The following NELL1 variants were observed in gnomAD, a reference collection of about 807,000 sequenced individuals.
NELL1 encodes the protein neural EGFL like 1.
Under a neutral mutation model 107.4 loss-of-function variants are expected in NELL1, and 76 were observed. That is an observed-to-expected ratio of 0.71 (90% confidence interval 0.59 to 0.86). The LOEUF is 0.86. NELL1 is among the 40% of genes least tolerant of loss of function. The probability of loss-of-function intolerance (pLI) is 0.00; values close to 1 mark genes in which losing one functional copy is unlikely to be tolerated. For missense variants in NELL1, 1,024 were observed against 1,005.5 expected, an observed-to-expected ratio of 1.02 and a Z score of -0.25; for synonymous variants, 353 against 341.2, an observed-to-expected ratio of 1.03 and a Z score of -0.38.
At chr11:21,105,862 C>T (rs1293680323) in intron 12 of NELL1, among the ~76,000 whole-genome samples, 2 of 436 alleles carry the variant, frequency 4.6e-3, no homozygotes, top group African/African-American at 0.017. Flanking sequence ...TCTCTCCCCT[C>T]CCCCTCCCCT....
chr11:21,309,272 ATATATATG>A (rs1421298907), intron 14 of NELL1, among the ~76,000 whole-genome samples: 1 of 22,664 alleles, frequency 4.4e-5, no homozygotes, highest in African/African-American at 1.4e-4. Flanking sequence ...ATATATATAT[ATATATATG>A]TATATATATA....
At chr11:21,229,894 G>A (rs1030054733) in intron 14 of NELL1, among the ~76,000 whole-genome samples, 1 of 152,058 alleles carries the variant, frequency 6.6e-6, no homozygotes, top group East Asian at 1.9e-4. Context: ...AGAGGCCAGC[G>A]CCCTGGCTTC....
intron 14 of NELL1, among the ~76,000 whole-genome samples, chr11:21,237,527 C>A (rs1238368732): frequency 1.3e-5 from 2 of 151,950 alleles, no homozygotes; most frequent in Non-Finnish European, 2.9e-5. Flanking sequence ...CGTGTAATAT[C>A]ATTAAATATT....
intron 3 of NELL1, among the ~76,000 whole-genome samples, chr11:20,821,970 C>T (rs779935234): frequency 6.6e-6 from 1 of 152,188 alleles, no homozygotes; most frequent in Non-Finnish European, 1.5e-5. Context: ...GTACTACGTC[C>T]AGTTCTTTTC....
intron 5 of NELL1, among the ~76,000 whole-genome samples, chr11:20,886,925 C>A (rs1242888735): frequency 6.6e-6 from 1 of 152,146 alleles, no homozygotes; most frequent in Non-Finnish European, 1.5e-5. Flanking sequence ...AAAATCTACA[C>A]TGTATTATAA....
In NELL1 at chr11:20,669,631, T is replaced by C; in HGVS notation, c.-93T>C. ...CTCCCCCGCCGCCCGCTAGCAAGTT[T>C]GGCGGCTCCAAGCCAGGCGCGCCTC... is the stretch of plus-strand genomic sequence containing the variant. On this transcript the variant is annotated 5_prime_UTR_variant, in exon 1 of 20. Coordinates refer to ENST00000357134, the MANE Select transcript of NELL1 (RefSeq NM_006157.5). The surrounding 1 kb of genome is among the most constrained non-coding windows in gnomAD (Gnocchi z 4.4). The C allele has an allele frequency of 9.1e-7, 1 of 1,102,998 alleles. No individual in the cohort carries two copies. The highest frequency in any genetic ancestry group is 1.4e-6 in the Non-Finnish European group (1 of 736,662). 68.3% of individuals were successfully genotyped at this position (1,102,998 alleles called of 1,614,324 possible). A position where few individuals can be genotyped will look rare whatever the true frequency, so the allele number is the denominator to read the frequency against.
intron 13 of NELL1, among the ~76,000 whole-genome samples, chr11:21,150,593 G>C (rs1214835855): frequency 6.6e-6 from 1 of 152,120 alleles, no homozygotes; most frequent in Non-Finnish European, 1.5e-5. Context: ...TGGGCAATAG[G>C]ACACTGAGAT....
chr11:21,455,117 T>C (rs1273610521), intron 15 of NELL1, among the ~76,000 whole-genome samples: 5 of 152,178 alleles, frequency 3.3e-5, no homozygotes, highest in Non-Finnish European at 7.3e-5. Context: ...TGCAAAGGTC[T>C]TTATTACACA....
intron 14 of NELL1, among the ~76,000 whole-genome samples, chr11:21,320,045 T>C (rs1253708526): frequency 2.0e-5 from 3 of 152,206 alleles, no homozygotes; most frequent in African/African-American, 4.8e-5. Context: ...CAAAAGTGTT[T>C]ATCCAGTAGA....
At chr11:21,133,640 G>T (rs1855675501) in intron 13 of NELL1, among the ~76,000 whole-genome samples, 1 of 149,906 alleles carries the variant, frequency 6.7e-6, no homozygotes. Flanking sequence ...TGGTCAGGAT[G>T]CAAAAGCACC....
At chr11:21,052,446 G>T (rs1853515935) in intron 12 of NELL1, among the ~76,000 whole-genome samples, 1 of 152,126 alleles carries the variant, frequency 6.6e-6, no homozygotes, top group South Asian at 2.1e-4. Flanking sequence ...CCACATGGTA[G>T]CAACAGAGGT....
chr11:21,201,279 A>G (rs1269344465), intron 13 of NELL1, among the ~76,000 whole-genome samples: 2 of 152,226 alleles, frequency 1.3e-5, no homozygotes, highest in South Asian at 2.1e-4. Context: ...AATGTTTTCC[A>G]TTAGTTTATG....
intron 16 of NELL1, among the ~76,000 whole-genome samples, chr11:21,536,003 T>A (rs1856126852): frequency 6.6e-6 from 1 of 152,212 alleles, no homozygotes; most frequent in Non-Finnish European, 1.5e-5. Flanking sequence ...AAGAAAATTT[T>A]AATTTTTACA....
At chr11:20,932,005 A>G (rs1850628816) in intron 9 of NELL1, among the ~76,000 whole-genome samples, 1 of 152,056 alleles carries the variant, frequency 6.6e-6, no homozygotes, top group Admixed American at 6.6e-5. Flanking sequence ...GGCCTTGGGA[A>G]CTGCAGCACT....
chr11:21,218,374 T>G (rs921649260), intron 13 of NELL1, among the ~76,000 whole-genome samples: 1 of 152,166 alleles, frequency 6.6e-6, no homozygotes. Flanking sequence ...ATGTAGTAAG[T>G]GTACATATTT....
At chr11:21,430,698 C>G (rs541705248) in intron 15 of NELL1, among the ~76,000 whole-genome samples, 1 of 152,224 alleles carries the variant, frequency 6.6e-6, no homozygotes, top group African/African-American at 2.4e-5. Context: ...ACCACTCAGG[C>G]TTCAAGCACT....
intron 16 of NELL1, among the ~76,000 whole-genome samples, chr11:21,541,537 AG>A (rs1856292691): frequency 6.6e-6 from 1 of 152,084 alleles, no homozygotes; most frequent in South Asian, 2.1e-4. Flanking sequence ...GGCGATAAAA[AG>A]GGGTAGAACC....
intron 15 of NELL1, among the ~76,000 whole-genome samples, chr11:21,456,386 A>G (rs1299594924): frequency 6.6e-6 from 1 of 152,076 alleles, no homozygotes; most frequent in Non-Finnish European, 1.5e-5. Context: ...TACAGAGAAT[A>G]TAAGCAGTAT....
chr11:21,487,251 A>G (rs1854657230), intron 15 of NELL1, among the ~76,000 whole-genome samples: 1 of 152,212 alleles, frequency 6.6e-6, no homozygotes, highest in Non-Finnish European at 1.5e-5. Context: ...AGGAACCACC[A>G]TCAGACTAAC....
Sources: allele counts gnomAD v4.1 joint callset (sites outside exome capture counted in the v4.1 genomes callset), GRCh38; gene constraint gnomAD v4.1.1; non-coding constraint Gnocchi (gnomAD v3.1); transcripts MANE v1.5; gene names NCBI Gene and HGNC (gene_info 2026-07-23, HGNC 2026-07-21).